The following GRM1 variants were observed in gnomAD, a reference collection of about 807,000 sequenced individuals.
GRM1 encodes the protein metabotropic glutamate receptor 1.
A neutral mutation model predicts 90.9 loss-of-function variants in GRM1; 33 were observed. That is an observed-to-expected ratio of 0.36 (90% CI 0.28 to 0.49). The LOEUF (loss-of-function observed/expected upper bound fraction) is 0.49. GRM1 is among the 20% of genes least tolerant of loss of function. GRM1 has a pLI of 0.99. For missense variants in GRM1, 1,190 were observed against 1,534.3 expected (o/e 0.78, Z 3.75); for synonymous variants, 700 against 613.2 (o/e 1.14, Z -2.09).
At chr6:146,358,360 C>T (rs2115056373) in intron 5 of GRM1, among the ~76,000 whole-genome samples, 1 of 152,290 alleles carries the variant, frequency 6.6e-6, no homozygotes, top group African/African-American at 2.4e-5. Context: ...GGAGGCAACA[C>T]TCTCTGTATC....
chr6:146,251,008 T>A (rs368007073), intron 2 of GRM1, among the ~76,000 whole-genome samples: 3 of 152,198 alleles, frequency 2.0e-5, no homozygotes, highest in African/African-American at 7.2e-5. Flanking sequence ...TAGTTTTCAG[T>A]CCAGATGCAA....
chr6:146,089,349 G>C (rs1263920584), intron 1 of GRM1, among the ~76,000 whole-genome samples: 1 of 152,104 alleles, frequency 6.6e-6, no homozygotes, highest in Admixed American at 6.6e-5. Context: ...TTCTTTCCCA[G>C]TCAAAACATC....
At chr6:146,052,011 A>T (rs1424613506) in intron 1 of GRM1, among the ~76,000 whole-genome samples, 1 of 152,056 alleles carries the variant, frequency 6.6e-6, no homozygotes, top group East Asian at 1.9e-4. Flanking sequence ...CGAGAGTAGG[A>T]TATATCTTAT....
At chr6:146,053,420 A>G (rs1775367002) in intron 1 of GRM1, among the ~76,000 whole-genome samples, 1 of 152,130 alleles carries the variant, frequency 6.6e-6, no homozygotes, top group Non-Finnish European at 1.5e-5. Flanking sequence ...TAAGGCATAT[A>G]TGACAAATGT....
chr6:146,049,683 C>G (rs2128847262), intron 1 of GRM1, among the ~76,000 whole-genome samples: 1 of 151,300 alleles, frequency 6.6e-6, no homozygotes, highest in East Asian at 2.0e-4. Flanking sequence ...ATCTATCTAT[C>G]TATCTATCTA....
At chr6:146,150,793 G>T (rs118029750) in intron 1 of GRM1, among the ~76,000 whole-genome samples, 3,262 of 152,188 alleles carry the variant, frequency 0.021, 55 homozygotes, top group Non-Finnish European at 0.034. Context: ...AAATGAGTGA[G>T]AATATGCAAT....
intron 7 of GRM1, among the ~76,000 whole-genome samples, chr6:146,424,106 T>C (rs771492003): frequency 2.6e-5 from 4 of 152,172 alleles, no homozygotes; most frequent in Non-Finnish European, 5.9e-5. Context: ...TCTCATGTCC[T>C]CTTTGCCTCA....
intron 2 of GRM1, among the ~76,000 whole-genome samples, chr6:146,167,470 A>G (rs879787724): frequency 5.3e-5 from 8 of 152,048 alleles, no homozygotes; most frequent in Non-Finnish European, 7.4e-5. Flanking sequence ...GAAATTGACT[A>G]TTTTCCAAAG....
intron 6 of GRM1, among the ~76,000 whole-genome samples, chr6:146,387,478 C>T (rs1776550478): frequency 1.3e-5 from 2 of 151,672 alleles, no homozygotes; most frequent in South Asian, 4.2e-4. Flanking sequence ...AATAATCATC[C>T]CGGCTTTTAT....
At chr6:146,263,662 A>G (rs1490997033) in intron 2 of GRM1, among the ~76,000 whole-genome samples, 2 of 152,066 alleles carry the variant, frequency 1.3e-5, no homozygotes, top group African/African-American at 4.8e-5. Flanking sequence ...CCAGCACTGC[A>G]ACATTTTGTA....
chr6:146,088,386 G>A (rs765580445), intron 1 of GRM1, among the ~76,000 whole-genome samples: 17 of 151,892 alleles, frequency 1.1e-4, no homozygotes, highest in Admixed American at 2.6e-4. Flanking sequence ...TTTAAAGTTC[G>A]AAAATAATAC....
At chr6:146,417,229 A>G (rs1777819915) in intron 7 of GRM1, among the ~76,000 whole-genome samples, 1 of 152,146 alleles carries the variant, frequency 6.6e-6, no homozygotes, top group Non-Finnish European at 1.5e-5. Flanking sequence ...TAATTTGTTG[A>G]TCCGTTGCAT....
At chr6:146,380,553 T>C (rs1299638863) in intron 5 of GRM1, among the ~76,000 whole-genome samples, 2 of 152,156 alleles carry the variant, frequency 1.3e-5, no homozygotes, top group Non-Finnish European at 2.9e-5. Flanking sequence ...GGCTCCTGTC[T>C]GGCCCAAGGC....
intron 1 of GRM1, among the ~76,000 whole-genome samples, chr6:146,154,773 A>T (rs900277813): frequency 2.6e-5 from 4 of 152,188 alleles, no homozygotes; most frequent in African/African-American, 4.8e-5. Context: ...ATCTTAAAAA[A>T]TTTTGAAAAC....
At chr6:146,346,070 G>A (rs928588132) in intron 3 of GRM1, among the ~76,000 whole-genome samples, 1 of 152,122 alleles carries the variant, frequency 6.6e-6, no homozygotes, top group Non-Finnish European at 1.5e-5. Flanking sequence ...ATTGATCCTC[G>A]GCATCACTTT....
intron 3 of GRM1, among the ~76,000 whole-genome samples, chr6:146,348,666 G>A (rs191014957): frequency 1.5e-4 from 23 of 152,338 alleles, no homozygotes; most frequent in Non-Finnish European, 2.2e-4. Flanking sequence ...ATATGACACT[G>A]ACAGAATGGG....
At chr6:146,410,353 T>C (rs1413795014) in intron 7 of GRM1, among the ~76,000 whole-genome samples, 1 of 152,200 alleles carries the variant, frequency 6.6e-6, no homozygotes, top group Non-Finnish European at 1.5e-5. Context: ...CTTTGTCTTA[T>C]AAAGAAAATA....
At chr6:146,360,344 T>C (rs1439834030) in intron 5 of GRM1, among the ~76,000 whole-genome samples, 1 of 152,020 alleles carries the variant, frequency 6.6e-6, no homozygotes, top group Non-Finnish European at 1.5e-5. Context: ...AAATATAATA[T>C]CTCATGGAAG....
intron 2 of GRM1, among the ~76,000 whole-genome samples, chr6:146,187,738 CAT>C (rs10656760): frequency 6.3e-4 from 93 of 148,340 alleles, no homozygotes; most frequent in African/African-American, 1.7e-3. Context: ...AGGCACAAAA[CAT>C]ATATATATAT....
Sources: gnomAD v4.1 joint callset for allele counts (sites outside exome capture counted in the v4.1 genomes callset) on GRCh38, gnomAD v4.1.1 for gene constraint, MANE v1.5 for transcripts, NCBI Gene and HGNC (gene_info 2026-07-23, HGNC 2026-07-21) for gene names.